CDC45: variants seen among roughly 807,000 people sequenced by gnomAD.
The protein encoded by CDC45 is cell division control protein 45 homolog.
Under a neutral mutation model 77.8 loss-of-function variants are expected in CDC45, and 54 were observed. That is an observed-to-expected ratio of 0.69 (90% confidence interval 0.56 to 0.87). The LOEUF is 0.87. Among genes scored for constraint, CDC45 ranks in the 40% least tolerant of loss-of-function variants. The pLI is 0.00. For synonymous variants in CDC45, 260 were observed against 272.1 expected (o/e 0.96, Z 0.44); for missense variants, 649 against 721.6 (o/e 0.90, Z 1.15).
intron 5 of CDC45, among the ~76,000 whole-genome samples, chr22:19,492,068 A>C (rs1030879215): frequency 6.6e-6 from 1 of 152,128 alleles, no homozygotes; most frequent in African/African-American, 2.4e-5. Context: ...GGCCTCCCAA[A>C]GTGTTGGGAT....
At chr22:19,493,799 G>A (rs1053077732) in intron 5 of CDC45, among the ~76,000 whole-genome samples, 3 of 152,172 alleles carry the variant, frequency 2.0e-5, no homozygotes, top group African/African-American at 4.8e-5. Flanking sequence ...AATGTATGGG[G>A]AAAAACATAT....
At chr22:19,480,113 G>C in intron 1 of CDC45, 45 bp from the exon 2 acceptor site, 1 of 1,612,572 alleles carries the variant, frequency 6.2e-7, no homozygotes, top group Non-Finnish European at 8.5e-7. Context: ...GGGGAGGGCC[G>C]GGGTTCGGGT....
At chr22:19,499,043 A>G (rs2090293860) in intron 8 of CDC45, 58 bp from the exon 9 acceptor site, 7 of 1,549,938 alleles carry the variant, frequency 4.5e-6, no homozygotes, top group Non-Finnish European at 4.5e-6. Context: ...TCCATCCCCC[A>G]GGCCTCATTG....
intron 5 of CDC45, among the ~76,000 whole-genome samples, chr22:19,489,924 G>A (rs1033714726): frequency 1.3e-5 from 2 of 152,188 alleles, no homozygotes; most frequent in African/African-American, 4.8e-5. Context: ...TCTCCTTCCA[G>A]TTCTATCACT....
At chr22:19,483,142 T>G (rs2090010433) in intron 4 of CDC45, among the ~76,000 whole-genome samples, 1 of 152,092 alleles carries the variant, frequency 6.6e-6, no homozygotes, top group Admixed American at 6.6e-5. Flanking sequence ...TTTGTTGAAA[T>G]GGAGTCTTGG....
intron 7 of CDC45, 66 bp from the exon 8 acceptor site, chr22:19,497,320 G>T: frequency 1.4e-6 from 2 of 1,473,332 alleles, no homozygotes; most frequent in South Asian, 1.1e-5. Flanking sequence ...AGTCCAGTCT[G>T]GCTGCATGGC....
chr22:19,484,358 G>A (rs1439651837), intron 5 of CDC45, among the ~76,000 whole-genome samples: 4 of 152,200 alleles, frequency 2.6e-5, no homozygotes, highest in African/African-American at 7.2e-5. Context: ...TTACTATGCA[G>A]TCACTGCAGA....
Position 19,494,357 on chromosome 22 carries a change from C to A in CDC45, c.517C>A (p.Gln173Lys). 1 of 1,613,200 alleles carries A rather than the reference C, an allele frequency of 6.2e-7. No individual in the cohort carries two copies. The highest frequency in any genetic ancestry group is 2.2e-5 in the East Asian group (1 of 44,890). Residue 173 changes from glutamine (Q) to lysine (K), a missense_variant, in exon 6 of 19, where the codon CAG becomes AAG. Transcript: ENST00000263201. ...AGTGGAGCAAACCATGCGGAGGAGG[C>A]AGCGGCGAGAGTGGGAGGCCCGGAG... is the stretch of plus-strand genomic sequence containing the variant. ...EIVEQTMRRR[Q>K]RREWEARRRD... is the part of the protein sequence containing the mutation.
At chr22:19,511,918 G>GTTTTTT (rs34362795) in intron 13 of CDC45, among the ~76,000 whole-genome samples, 1 of 108,730 alleles carries the variant, frequency 9.2e-6, no homozygotes, top group Non-Finnish European at 1.9e-5. Context: ...TTCACTGGAG[G>GTTTTTT]TTTTTTTTTT....
At chr22:19,489,157 C>T (rs2146350692) in intron 5 of CDC45, among the ~76,000 whole-genome samples, 1 of 152,304 alleles carries the variant, frequency 6.6e-6, no homozygotes, top group African/African-American at 2.4e-5. Context: ...GCCTGGGCAA[C>T]TGAGACTATC....
chr22:19,479,730 T>G, upstream of CDC45: 1 of 669,906 alleles, frequency 1.5e-6, no homozygotes, highest in Non-Finnish European at 2.8e-6. Context: ...GTGTTTGCGT[T>G]CGGCCTCAGA....
intron 5 of CDC45, among the ~76,000 whole-genome samples, chr22:19,490,699 T>A: frequency 6.6e-6 from 1 of 152,240 alleles, no homozygotes; most frequent in African/African-American, 2.4e-5. Context: ...CCTCTAGTGT[T>A]TGTGAGTCTA....
intron 8 of CDC45, among the ~76,000 whole-genome samples, chr22:19,498,655 G>T (rs1206029434): frequency 6.6e-6 from 1 of 152,230 alleles, no homozygotes; most frequent in African/African-American, 2.4e-5. Context: ...CTGTGCTGGG[G>T]GCATGTGCCA....
At chr22:19,501,658 G>C (rs536237550) in intron 9 of CDC45, among the ~76,000 whole-genome samples, 1 of 152,260 alleles carries the variant, frequency 6.6e-6, no homozygotes, top group East Asian at 1.9e-4. Context: ...AGTTTGCCTA[G>C]ATTACTTATG....
chr22:19,493,266 T>TGTTTC (rs2090184212), intron 5 of CDC45, among the ~76,000 whole-genome samples: 1 of 151,936 alleles, frequency 6.6e-6, no homozygotes, highest in African/African-American at 2.4e-5. Flanking sequence ...TGTTTTGTTT[T>TGTTTC]GTTGTCTGCA....
intron 13 of CDC45, among the ~76,000 whole-genome samples, chr22:19,511,760 G>A (rs936043669): frequency 2.6e-5 from 4 of 152,076 alleles, no homozygotes; most frequent in Non-Finnish European, 5.9e-5. Flanking sequence ...TAATTTTGAT[G>A]ACATTTAAGT....
chr22:19,517,283 C>T (rs962179065), intron 17 of CDC45, among the ~76,000 whole-genome samples: 1 of 152,156 alleles, frequency 6.6e-6, no homozygotes, highest in Non-Finnish European at 1.5e-5. Flanking sequence ...ACCCAGGACA[C>T]CAACCCTTGC....
At chr22:19,504,268 G>C (rs1351398213) in intron 9 of CDC45, among the ~76,000 whole-genome samples, 2 of 152,226 alleles carry the variant, frequency 1.3e-5, no homozygotes. Flanking sequence ...CCATCTCCTT[G>C]AGGAGTTCTG....
chr22:19,505,614 A>G (rs1933127779), intron 10 of CDC45, 133 bp downstream of exon 10: 1 of 981,784 alleles, frequency 1.0e-6, no homozygotes, highest in African/African-American at 1.6e-5. Flanking sequence ...GTTTTGGGGG[A>G]AGGGGCTGTG....
Sources: allele counts gnomAD v4.1 joint callset (sites outside exome capture counted in the v4.1 genomes callset), GRCh38; gene constraint gnomAD v4.1.1; transcripts MANE v1.5; gene names NCBI Gene and HGNC (gene_info 2026-07-23, HGNC 2026-07-21).